The following MCC variants were observed in gnomAD, a reference collection of about 807,000 sequenced individuals.
MCC encodes the protein MCC regulator of Wnt signaling pathway, also known as colorectal mutant cancer protein.
A neutral mutation model predicts 116.2 loss-of-function variants in MCC; 90 were observed. The ratio of observed to expected loss-of-function variants is 0.77; its 90% CI spans 0.65 to 0.92. The LOEUF is 0.92. Ranked by LOEUF, MCC falls within the 40% of genes least tolerant of loss-of-function variation. MCC has a pLI of 0.00. For synonymous variants in MCC, 578 were observed against 510.5 expected, an observed-to-expected ratio of 1.13 and a Z score of -1.78; for missense variants, 1,516 against 1,312.2, an observed-to-expected ratio of 1.16 and a Z score of -2.40.
chr5:113,466,559 A>T (rs1197712625), intron 1 of MCC, among the ~76,000 whole-genome samples: 1 of 152,038 alleles, frequency 6.6e-6, no homozygotes, highest in Non-Finnish European at 1.5e-5. Context: ...TATATGTGCC[A>T]CATTTTCTTA....
intron 5 of MCC, among the ~76,000 whole-genome samples, chr5:113,139,310 C>T (rs772933062): frequency 6.6e-6 from 1 of 152,036 alleles, no homozygotes; most frequent in African/African-American, 2.4e-5. Flanking sequence ...CTTTGTTGAG[C>T]CTAGTTTTCA....
chr5:113,318,564 G>C (rs1767344944), intron 3 of MCC, among the ~76,000 whole-genome samples: 1 of 152,128 alleles, frequency 6.6e-6, no homozygotes, highest in Non-Finnish European at 1.5e-5. Flanking sequence ...ATTACCCTTA[G>C]CAAACTAACG....
At chr5:113,228,593 G>A (rs1763831443) in intron 3 of MCC, among the ~76,000 whole-genome samples, 1 of 152,112 alleles carries the variant, frequency 6.6e-6, no homozygotes, top group South Asian at 2.1e-4. Flanking sequence ...TGGTGGTAGG[G>A]GTAGGGTATA....
intron 3 of MCC, among the ~76,000 whole-genome samples, chr5:113,312,787 A>G (rs1767166781): frequency 6.6e-6 from 1 of 152,204 alleles, no homozygotes; most frequent in African/African-American, 2.4e-5. Context: ...TGCCCATAAA[A>G]TTCATAATCT....
intron 2 of MCC, among the ~76,000 whole-genome samples, chr5:113,365,869 C>G (rs940477762): frequency 6.6e-6 from 1 of 152,146 alleles, no homozygotes; most frequent in African/African-American, 2.4e-5. Context: ...ACAACCATAT[C>G]TTGTGAGAAC....
rs565802825 is a variant in MCC at position 113,451,485 on chromosome 5, AG to A, written c.170+36759del. Among the ~76,000 whole-genome samples the A allele has an allele frequency of 3.6e-3, 551 of 152,358 alleles. 5 individuals carry two copies. The highest frequency in any genetic ancestry group is 3.4e-3 in the Middle Eastern group (1 of 294). On this transcript the variant is annotated intron_variant, in intron 1 of 18. Transcript: ENST00000408903. ...TGCGGTGACTCATGCCTGTAATCCCAGCACTTTGGGAGGCCGAGGCGGGCGG... is the reference window on the plus strand; with the variant it reads ...TGCGGTGACTCATGCCTGTAATCCCACACTTTGGGAGGCCGAGGCGGGCGG...
chr5:113,273,590 A>G (rs1287415745), intron 3 of MCC, among the ~76,000 whole-genome samples: 1 of 152,208 alleles, frequency 6.6e-6, no homozygotes, highest in Non-Finnish European at 1.5e-5. Flanking sequence ...AAACAGGATC[A>G]GGCCACATTT....
intron 1 of MCC, chr5:113,433,634 G>C: frequency 7.4e-7 from 1 of 1,354,094 alleles, no homozygotes; most frequent in Non-Finnish European, 1.0e-6. Context: ...GAAAATAGAG[G>C]CTCATCTGGG....
intron 3 of MCC, among the ~76,000 whole-genome samples, chr5:113,214,741 A>T (rs374444794): frequency 6.6e-6 from 1 of 152,102 alleles, no homozygotes. Context: ...CCTCCAAGCC[A>T]TTTTCCACAC....
chr5:113,421,929 G>GT (rs1361076372), intron 1 of MCC, among the ~76,000 whole-genome samples: 4 of 152,162 alleles, frequency 2.6e-5, no homozygotes, highest in South Asian at 4.1e-4. Flanking sequence ...GCTAATGCTA[G>GT]TGACAGTATA....
intron 3 of MCC, among the ~76,000 whole-genome samples, chr5:113,166,515 C>T (rs181798301): frequency 1.6e-4 from 25 of 152,002 alleles, no homozygotes; most frequent in Admixed American, 5.2e-4. Flanking sequence ...CTTGGAACAG[C>T]GTGGGTGATA....
At chr5:113,144,250 C>T (rs1324675665) in intron 4 of MCC, among the ~76,000 whole-genome samples, 2 of 152,206 alleles carry the variant, frequency 1.3e-5, no homozygotes, top group Admixed American at 6.5e-5. Context: ...GGAACCTGTT[C>T]ACCTCTCACT....
At chr5:113,329,383 TAC>T (rs3068955) in intron 3 of MCC, among the ~76,000 whole-genome samples, 81,435 of 150,062 alleles carry the variant, frequency 0.54, 23,514 homozygotes, top group African/African-American at 0.74. Context: ...ACTATATATA[TAC>T]ACACACACAC....
At chr5:113,303,811 C>T (rs1454094403) in intron 3 of MCC, among the ~76,000 whole-genome samples, 1 of 152,120 alleles carries the variant, frequency 6.6e-6, no homozygotes, top group East Asian at 1.9e-4. Flanking sequence ...AGCCACTATG[C>T]CCAGCTAATT....
intron 1 of MCC, among the ~76,000 whole-genome samples, chr5:113,426,954 C>T (rs546256184): frequency 6.6e-6 from 1 of 152,176 alleles, no homozygotes; most frequent in Admixed American, 6.5e-5. Context: ...CCACAAAACT[C>T]ATCCTCAAAA....
At chr5:113,158,299 T>G (rs1207892810) in intron 3 of MCC, among the ~76,000 whole-genome samples, 1 of 152,138 alleles carries the variant, frequency 6.6e-6, no homozygotes, top group East Asian at 1.9e-4. Context: ...GTGATGACAA[T>G]GGGTAGTGCC....
chr5:113,418,553 G>C (rs2150406043), intron 1 of MCC, among the ~76,000 whole-genome samples: 1 of 152,124 alleles, frequency 6.6e-6, no homozygotes, highest in Admixed American at 6.5e-5. Context: ...CTTGGTTTGG[G>C]CAAGTGAAAA....
chr5:113,402,573 G>A (rs576401157), intron 1 of MCC, among the ~76,000 whole-genome samples: 3 of 152,170 alleles, frequency 2.0e-5, no homozygotes, highest in African/African-American at 4.8e-5. Flanking sequence ...TGGCATTAAC[G>A]CAAAAATAAT....
intron 3 of MCC, among the ~76,000 whole-genome samples, chr5:113,169,025 C>A (rs560584908): frequency 6.6e-6 from 1 of 152,230 alleles, no homozygotes; most frequent in South Asian, 2.1e-4. Context: ...TGTGCCTCCC[C>A]ATCACCAATC....
Sources: allele counts gnomAD v4.1 joint callset (sites outside exome capture counted in the v4.1 genomes callset), GRCh38; gene constraint gnomAD v4.1.1; transcripts MANE v1.5; gene names NCBI Gene and HGNC (gene_info 2026-07-23, HGNC 2026-07-21).